The following ADAMTS17 variants were observed in gnomAD, a reference collection of about 807,000 sequenced individuals.
The protein encoded by ADAMTS17 is ADAM metallopeptidase with thrombospondin type 1 motif 17, also known as A disintegrin and metalloproteinase with thrombospondin motifs 17.
A neutral mutation model predicts 141.5 loss-of-function variants in ADAMTS17; 113 were observed. The observed-to-expected ratio is 0.80, with a 90% CI of 0.69 to 0.93. The LOEUF (loss-of-function observed/expected upper bound fraction) is 0.93. Among genes scored for constraint, ADAMTS17 ranks in the 40% least tolerant of loss-of-function variants. The pLI is 0.00. For missense variants in ADAMTS17, 1,659 were observed against 1,517.9 expected (o/e 1.09, Z -1.54); for synonymous variants, 768 against 630.6 (o/e 1.22, Z -3.27).
At chr15:100,107,643 G>A (rs532687346) in intron 14 of ADAMTS17, among the ~76,000 whole-genome samples, 12 of 152,166 alleles carry the variant, frequency 7.9e-5, no homozygotes, top group African/African-American at 2.9e-4. Flanking sequence ...TCATGAACAG[G>A]ATCAGGGCCC....
In ADAMTS17 at chr15:100,063,869, A is replaced by G. The variant is rs1338580773; in HGVS notation, c.2138-9815T>C. The G allele has an allele frequency of 8.8e-6, 6 of 679,136 alleles. No individual in the cohort carries two copies. In the East Asian group the frequency reaches 4.0e-4, roughly 45 times the overall value. 42.1% of individuals were successfully genotyped at this position (679,136 alleles called of 1,614,324 possible). A position where few individuals can be genotyped will look rare whatever the true frequency, so the allele number is the denominator to read the frequency against. On this transcript the variant is annotated intron_variant, in intron 15 of 21. Transcript: ENST00000268070. ...ACCAAGCCCCCCACAGTGGCTTCAG[A>G]AATGGAGGGCTGGCGCAGAAGAAGG...
chr15:100,001,071 T>C (rs1025299264), intron 18 of ADAMTS17, among the ~76,000 whole-genome samples: 10 of 152,120 alleles, frequency 6.6e-5, no homozygotes, highest in Admixed American at 4.6e-4. Flanking sequence ...AAGGTGCTCT[T>C]GGATGGAGAT....
chr15:100,209,263 CT>C (rs1158148829), intron 7 of ADAMTS17, among the ~76,000 whole-genome samples: 1 of 151,872 alleles, frequency 6.6e-6, no homozygotes, highest in Non-Finnish European at 1.5e-5. Flanking sequence ...AGGGTAAGCT[CT>C]TTCAATCTAC....
intron 8 of ADAMTS17, among the ~76,000 whole-genome samples, chr15:100,183,520 C>A (rs1412621619): frequency 6.6e-6 from 1 of 151,942 alleles, no homozygotes; most frequent in African/African-American, 2.4e-5. Flanking sequence ...ATTTCAATTT[C>A]TTTGATGAAA....
intron 3 of ADAMTS17, among the ~76,000 whole-genome samples, chr15:100,296,580 GGTGT>G (rs59748937): frequency 3.1e-4 from 33 of 107,992 alleles, no homozygotes; most frequent in South Asian, 1.9e-3. Flanking sequence ...GGTGAGGGGG[GGTGT>G]GTGTGTGTGT....
chr15:100,032,084 G>T (rs2030231923), intron 18 of ADAMTS17, among the ~76,000 whole-genome samples: 1 of 152,132 alleles, frequency 6.6e-6, no homozygotes, highest in South Asian at 2.1e-4. Flanking sequence ...AGAAGCTGTG[G>T]GTTTGATTCC....
intron 18 of ADAMTS17, among the ~76,000 whole-genome samples, chr15:100,011,657 A>G (rs529385110): frequency 6.6e-6 from 1 of 152,290 alleles, no homozygotes; most frequent in East Asian, 1.9e-4. Flanking sequence ...TCCTATAAAG[A>G]TCCATTCTAT....
intron 14 of ADAMTS17, among the ~76,000 whole-genome samples, chr15:100,100,146 G>T (rs2036007894): frequency 6.6e-6 from 1 of 152,160 alleles, no homozygotes; most frequent in Admixed American, 6.5e-5. Flanking sequence ...TAAGATGGAG[G>T]GAGACGCCAG....
At chr15:100,008,292 G>T (rs187142685) in intron 18 of ADAMTS17, among the ~76,000 whole-genome samples, 1 of 152,230 alleles carries the variant, frequency 6.6e-6, no homozygotes, top group East Asian at 1.9e-4. Context: ...ACTGTGTGAG[G>T]AAGAGGAGAG....
At chr15:100,046,209 T>C (rs1440907012) in intron 18 of ADAMTS17, among the ~76,000 whole-genome samples, 1 of 152,202 alleles carries the variant, frequency 6.6e-6, no homozygotes, top group Non-Finnish European at 1.5e-5. Context: ...CAATTGCTTT[T>C]TATACTGTCT....
At chr15:100,009,030 A>G (rs755716186) in intron 18 of ADAMTS17, among the ~76,000 whole-genome samples, 200 of 152,226 alleles carry the variant, frequency 1.3e-3, no homozygotes, top group Admixed American at 1.1e-3. Context: ...TGTAGAGACA[A>G]GGTCTCACTA....
At chr15:100,197,329 T>A (rs1021648602) in intron 8 of ADAMTS17, among the ~76,000 whole-genome samples, 1 of 152,224 alleles carries the variant, frequency 6.6e-6, no homozygotes, top group African/African-American at 2.4e-5. Flanking sequence ...CAAAGGCCCA[T>A]AGCAACTCGG....
chr15:100,119,620 G>C (rs1043632620), intron 12 of ADAMTS17, among the ~76,000 whole-genome samples: 4 of 152,198 alleles, frequency 2.6e-5, no homozygotes, highest in Non-Finnish European at 5.9e-5. Flanking sequence ...CTGACAGTGA[G>C]GAGGCGGAGA....
intron 3 of ADAMTS17, among the ~76,000 whole-genome samples, chr15:100,308,512 CT>C (rs567626278): frequency 9.9e-5 from 15 of 152,254 alleles, no homozygotes; most frequent in Middle Eastern, 3.4e-3. Flanking sequence ...GAACAGCTTC[CT>C]TTTTTTGCTA....
intron 3 of ADAMTS17, among the ~76,000 whole-genome samples, chr15:100,302,352 A>G (rs2045069755): frequency 1.3e-5 from 2 of 152,200 alleles, no homozygotes; most frequent in African/African-American, 4.8e-5. Flanking sequence ...AGCTATTATC[A>G]ACAATGCTGC....
intron 19 of ADAMTS17, among the ~76,000 whole-genome samples, chr15:99,995,921 G>A (rs1596183873): frequency 6.6e-6 from 1 of 152,196 alleles, no homozygotes; most frequent in African/African-American, 2.4e-5. Context: ...CAGACACAGA[G>A]AAATTTCTTT....
In ADAMTS17 at chr15:100,231,897, TTGAGCCCAATTTAGGC is replaced by T. The variant is rs1365947772; in HGVS notation, c.1075+22223_1075+22238del. Among the ~76,000 whole-genome samples the T allele has an allele frequency of 1.8e-4, 28 of 152,212 alleles. 1 individual carries two copies. The highest frequency in any genetic ancestry group is 6.3e-3 in the Middle Eastern group (2 of 316). On this transcript the variant is annotated intron_variant, in intron 7 of 21. Coordinates refer to ENST00000268070, the MANE Select transcript of ADAMTS17 (RefSeq NM_139057.4). ...TAATTCCTCATCCTTTTTCTTCCTT[TTGAGCCCAATTTAGGC>T]TGAGCACAGACATAGAATAAATCTT...
chr15:100,166,267 G>T (rs1391229520), intron 8 of ADAMTS17, among the ~76,000 whole-genome samples: 1 of 152,122 alleles, frequency 6.6e-6, no homozygotes, highest in Non-Finnish European at 1.5e-5. Flanking sequence ...CTGCATGTTG[G>T]TCTTATGATA....
chr15:100,052,054 G>A (rs1421327604), intron 16 of ADAMTS17, among the ~76,000 whole-genome samples: 2 of 152,212 alleles, frequency 1.3e-5, no homozygotes, highest in Non-Finnish European at 1.5e-5. Context: ...GGAGAGCTGC[G>A]TCACGCAGAG....
Sources: allele counts gnomAD v4.1 joint callset (sites outside exome capture counted in the v4.1 genomes callset), GRCh38; gene constraint gnomAD v4.1.1; transcripts MANE v1.5; gene names NCBI Gene and HGNC (gene_info 2026-07-23, HGNC 2026-07-21).